The following BBX variants were observed in gnomAD, a reference collection of about 807,000 sequenced individuals.
BBX encodes BBX high mobility group box domain containing, also known as HMG box transcription factor BBX.
Under a neutral mutation model 100.2 loss-of-function variants are expected in BBX, and 30 were observed. The ratio of observed to expected loss-of-function variants is 0.30; its 90% CI spans 0.22 to 0.41. The LOEUF (loss-of-function observed/expected upper bound fraction) is 0.41. BBX is among the 10% of genes least tolerant of loss of function. BBX has a pLI of 1.00. For missense variants in BBX, 1,023 were observed against 1,129.8 expected, an observed-to-expected ratio of 0.91 and a Z score of 1.35; for synonymous variants, 376 against 388.1, an observed-to-expected ratio of 0.97 and a Z score of 0.37.
chr3:107,773,536 T>C lies in BBX; in HGVS notation c.1815T>C (p.Thr605=). Residue 605 remains threonine (T), a synonymous_variant, in exon 11 of 18, where the codon ACT becomes ACC. Transcript: ENST00000325805. The surrounding 1 kb of genome is among the most constrained non-coding windows in gnomAD (Gnocchi z 4.1). ...GTGACTGTCACAGAAAAATAGAAAC[T>C]TGTGGTTCCAGGAAATCCGAGAGGT... The part of the protein sequence containing the change: ...EDSDCHRKIE[T]CGSRKSERSC... 3.1e-6 allele frequency: 5 copies of C among 1,614,046 alleles called. No individual in the cohort carries two copies. Among genetic ancestry groups the C allele is most frequent in the Non-Finnish European group, 3.4e-6 (4 of 1,179,952 alleles).
chr3:107,707,304 C>A (rs1269137217), intron 3 of BBX, among the ~76,000 whole-genome samples: 2 of 152,184 alleles, frequency 1.3e-5, no homozygotes, highest in Non-Finnish European at 2.9e-5. Context: ...TTTCAATTCC[C>A]TTTGTTTCCC....
chr3:107,794,161 A>G (rs2069353590), intron 15 of BBX, among the ~76,000 whole-genome samples: 1 of 152,152 alleles, frequency 6.6e-6, no homozygotes, highest in African/African-American at 2.4e-5. Context: ...GATGATAACT[A>G]ATACTTACTA....
At chr3:107,629,223 T>G (rs556147952) in intron 2 of BBX, among the ~76,000 whole-genome samples, 1 of 152,270 alleles carries the variant, frequency 6.6e-6, no homozygotes, top group African/African-American at 2.4e-5. Context: ...GAAGATGAGA[T>G]GCAAATTAAT....
intron 2 of BBX, among the ~76,000 whole-genome samples, chr3:107,558,215 G>A (rs528550006): frequency 5.9e-5 from 9 of 152,084 alleles, no homozygotes; most frequent in Admixed American, 2.0e-4. Context: ...TTGGCCGGGC[G>A]CAGTGGCTCA....
At chr3:107,648,790 C>A (rs2057672908) in intron 3 of BBX, among the ~76,000 whole-genome samples, 1 of 152,144 alleles carries the variant, frequency 6.6e-6, no homozygotes, top group South Asian at 2.1e-4. Context: ...TGGTTTTATT[C>A]ATCTCACAAT....
intron 13 of BBX, among the ~76,000 whole-genome samples, chr3:107,779,036 CATAT>C (rs1214925612): frequency 3.3e-5 from 3 of 90,078 alleles, no homozygotes; most frequent in Non-Finnish European, 4.6e-5. Context: ...CACACACACA[CATAT>C]ACATTGGTTT....
intron 3 of BBX, among the ~76,000 whole-genome samples, chr3:107,658,566 C>T (rs1243536745): frequency 6.6e-6 from 1 of 152,154 alleles, no homozygotes; most frequent in East Asian, 1.9e-4. Flanking sequence ...ACTGCATATG[C>T]AGTTCCTAGT....
chr3:107,789,918 C>T (rs1262560270), intron 14 of BBX, 42 bp downstream of exon 14: 5 of 1,437,096 alleles, frequency 3.5e-6, no homozygotes, highest in South Asian at 2.5e-5. Flanking sequence ...TCTTGGTCAC[C>T]TCCATTGTGA....
chr3:107,663,989 T>A (rs931959678), intron 3 of BBX, among the ~76,000 whole-genome samples: 7 of 152,114 alleles, frequency 4.6e-5, no homozygotes. Flanking sequence ...GTATTTTTAG[T>A]AGAGACGAGG....
intron 2 of BBX, among the ~76,000 whole-genome samples, chr3:107,550,447 C>T (rs1342078789): frequency 6.6e-6 from 1 of 151,998 alleles, no homozygotes; most frequent in Non-Finnish European, 1.5e-5. Context: ...GGGAGATCAC[C>T]TTATTTGGCT....
chr3:107,525,891 C>T (rs1370024826), intron 1 of BBX, among the ~76,000 whole-genome samples: 1 of 152,188 alleles, frequency 6.6e-6, no homozygotes, highest in Non-Finnish European at 1.5e-5. Flanking sequence ...CGCGGTGGCA[C>T]CTCCCGCCGT....
chr3:107,691,036 A>ACTT (rs558319396), intron 3 of BBX, among the ~76,000 whole-genome samples: 292 of 151,118 alleles, frequency 1.9e-3, no homozygotes, highest in Admixed American at 4.4e-3. Flanking sequence ...CCTCCTAAGT[A>ACTT]GCTAGGACCA....
At chr3:107,797,838 T>A (rs1185793585) in intron 15 of BBX, among the ~76,000 whole-genome samples, 3 of 152,190 alleles carry the variant, frequency 2.0e-5, no homozygotes, top group Non-Finnish European at 4.4e-5. Flanking sequence ...ACAATTAGGA[T>A]ACCTAAAACT....
At chr3:107,755,287 A>AAGTT (rs1194521736) in intron 9 of BBX, among the ~76,000 whole-genome samples, 1 of 152,234 alleles carries the variant, frequency 6.6e-6, no homozygotes, top group African/African-American at 2.4e-5. Context: ...ACTAGTTATT[A>AAGTT]AGTTAGTACT....
intron 3 of BBX, among the ~76,000 whole-genome samples, chr3:107,696,897 C>G (rs1173076162): frequency 2.6e-5 from 4 of 151,580 alleles, no homozygotes; most frequent in Non-Finnish European, 4.4e-5. Flanking sequence ...TTGGTCGTTT[C>G]TTTTTATTCT....
chr3:107,800,004 G>A (rs2108022790), intron 16 of BBX, among the ~76,000 whole-genome samples: 1 of 152,290 alleles, frequency 6.6e-6, no homozygotes, highest in South Asian at 2.1e-4. Flanking sequence ...TAATAGAGGG[G>A]AACTGTTTGC....
rs772724512 is a variant in BBX, at chr3:107,772,779, A to T, written c.1058A>T (p.Glu353Val). 6.2e-7 allele frequency: 1 copy of T among 1,613,352 alleles called. No individual in the cohort carries two copies. Among genetic ancestry groups the T allele is most frequent in the Non-Finnish European group, 8.5e-7 (1 of 1,179,838 alleles). ...ACAGATGAAACTAGGTTACAGAAGGAAGCAGAATTTGAAAAATCGGCTAAG... is the reference window on the plus strand; with the variant it reads ...ACAGATGAAACTAGGTTACAGAAGGTAGCAGAATTTGAAAAATCGGCTAAG... The part of the protein sequence containing the change: ...EKTDETRLQK[E>V]AEFEKSAKEN... Residue 353 changes from glutamate (E) to valine (V), a missense_variant, in exon 11 of 18, where the codon GAA (glutamate) becomes GTA (valine). Around this residue, in one of 9 missense-constraint regions of BBX, gnomAD observed 348 missense variants for 353.2 expected, o/e 0.99. Transcript: ENST00000325805.
At chr3:107,555,395 T>C (rs1216905065) in intron 2 of BBX, among the ~76,000 whole-genome samples, 2 of 152,210 alleles carry the variant, frequency 1.3e-5, no homozygotes, top group Non-Finnish European at 2.9e-5. Flanking sequence ...TGCAAAGGGC[T>C]AAGTAATTCA....
intron 5 of BBX, among the ~76,000 whole-genome samples, chr3:107,720,775 T>A (rs1284670960): frequency 6.6e-6 from 1 of 152,096 alleles, no homozygotes; most frequent in African/African-American, 2.4e-5. Context: ...TTTTATTGAC[T>A]AGTTCTTTCA....
Sources: allele counts gnomAD v4.1 joint callset (sites outside exome capture counted in the v4.1 genomes callset), GRCh38; gene constraint gnomAD v4.1.1; regional missense constraint gnomAD v4.1.1; non-coding constraint Gnocchi (gnomAD v3.1); transcripts MANE v1.5; gene names NCBI Gene and HGNC (gene_info 2026-07-23, HGNC 2026-07-21).